Variants in MGAM observed in about 807,000 individuals in gnomAD.
The protein encoded by MGAM is alpha-1,4-glucosidase.
MGAM carries 253 observed loss-of-function variants against 358.8 expected under a neutral mutation model. The ratio of observed to expected loss-of-function variants is 0.71; its 90% CI spans 0.64 to 0.78. MGAM has a LOEUF of 0.78. Among genes scored for constraint, MGAM ranks in the 30% least tolerant of loss-of-function variants. The probability of loss-of-function intolerance (pLI) is 0.00; values close to 1 mark genes in which losing one functional copy is unlikely to be tolerated. For synonymous variants in MGAM, 1,105 were observed against 1,227.1 expected, an observed-to-expected ratio of 0.90 and a Z score of 2.08; for missense variants, 3,080 against 3,432.6, an observed-to-expected ratio of 0.90 and a Z score of 2.57.
intron 21 of MGAM, among the ~76,000 whole-genome samples, chr7:142,044,338 A>C (rs1247672696): frequency 1.4e-5 from 2 of 140,162 alleles, no homozygotes; most frequent in African/African-American, 5.1e-5. Context: ...AATATATAAT[A>C]TATATATAAT....
At position 142,098,615 on chromosome 7, in the gene MGAM, T is replaced by C. The variant is rs530271803; in HGVS notation, c.7749+966T>C. Among the ~76,000 whole-genome samples the C allele has an allele frequency of 1.1e-4, 17 of 152,260 alleles. No individual in the cohort carries two copies. The East Asian group carries it at 3.3e-3, about 29-fold the overall frequency. ...CTCCACAGCCCCAGACTCCTCTTCC[T>C]GCTGCTAGTCTGGATCTGCCCTTAG... is the stretch of plus-strand genomic sequence containing the variant. On this transcript the variant is annotated intron_variant, in intron 66 of 70. Coordinates refer to ENST00000475668, the MANE Select transcript of MGAM (RefSeq NM_001365693.1).
At position 142,036,303 on chromosome 7, in the gene MGAM, T is replaced by C. The variant is rs782069261; in HGVS notation, c.2076+18T>C. 5.1e-6 allele frequency: 8 copies of C among 1,562,120 alleles called. No homozygotes were observed. Among genetic ancestry groups the C allele is most frequent in the Middle Eastern group, 1.7e-4 (1 of 5,966 alleles). On this transcript the variant is annotated intron_variant, in intron 17 of 70. Transcript: ENST00000475668. ...GCTACAAGGTAAGGCTCCTAGGACA[T>C]AGAGTCAGAATAAATTTGGCATACA... is the stretch of plus-strand genomic sequence containing the variant.
intron 21 of MGAM, among the ~76,000 whole-genome samples, chr7:142,041,886 A>G (rs1808623630): frequency 2.0e-5 from 1 of 48,912 alleles, no homozygotes; most frequent in African/African-American, 1.0e-4. Flanking sequence ...ATATATACGT[A>G]TAATATATAA....
In MGAM at chr7:142,032,809, G is replaced by T; in HGVS notation, c.1585-16G>T. ...ATGTTACTTTTTCTTAATAGTTTTT[G>T]CTCTTTGTCTTGTAGGATATGAATG... On this transcript the variant is annotated splice_polypyrimidine_tract_variant and intron_variant, in intron 13 of 70. Coordinates refer to ENST00000475668, the MANE Select transcript of MGAM (RefSeq NM_001365693.1). 1 of 1,558,288 alleles carries T rather than the reference G, an allele frequency of 6.4e-7. No individual in the cohort carries two copies. The highest frequency in any genetic ancestry group is 1.2e-5 in the South Asian group (1 of 86,526).
intron 57 of MGAM, among the ~76,000 whole-genome samples, chr7:142,090,880 G>A (rs68144811): frequency 0.37 from 54,145 of 145,458 alleles, 16,602 homozygotes; most frequent in Middle Eastern, 0.56. Context: ...GCTAAGCATT[G>A]TGCAAAATAT....
In MGAM at chr7:142,095,576, TG is replaced by T. The variant is rs999000839; in HGVS notation, c.7471del (p.Val2491CysfsTer8). Reference sequence around the variant, plus strand: ...TCTTTCTCCTTTAGAGACAAGACCCTGTGTCCTGGGATGTTGCTTTTGTGAA... The same window carrying T: ...TCTTTCTCCTTTAGAGACAAGACCCTTGTCCTGGGATGTTGCTTTTGTGAA... ...NTIGTRRQDP[V>X]SWDVAFVNIS... On this transcript the variant is annotated frameshift_variant, in exon 64 of 71. Coordinates refer to ENST00000475668, the MANE Select transcript of MGAM (RefSeq NM_001365693.1). LOFTEE classifies it high-confidence loss of function. The T allele has an allele frequency of 6.2e-7, 1 of 1,613,436 alleles. No individual in the cohort carries two copies. Among genetic ancestry groups the T allele is most frequent in the African/African-American group, 1.3e-5 (1 of 74,932 alleles).
intron 29 of MGAM, 75 bp from the exon 30 acceptor site, chr7:142,056,755 A>G (rs1057501789): frequency 7.0e-7 from 1 of 1,425,808 alleles, no homozygotes; most frequent in Non-Finnish European, 9.7e-7. Flanking sequence ...AGGAAGATGG[A>G]GAATGTGTGG....
chr7:142,074,192 A>C lies in MGAM; in HGVS notation c.5275+19A>C. The C allele has an allele frequency of 1.4e-6, 2 of 1,470,856 alleles. 1 individual carries two copies. The allele number at this position is 1,470,856 out of a possible 1,614,324, so 91.1% of individuals were successfully genotyped here. A position where few individuals can be genotyped will look rare whatever the true frequency, so the allele number is the denominator to read the frequency against. ...ACAAAGGGTGAGCGCTGTTACAATAATGTTGCTGTTTCCCAACCTGCGCCT... is the reference window on the plus strand; with the variant it reads ...ACAAAGGGTGAGCGCTGTTACAATACTGTTGCTGTTTCCCAACCTGCGCCT... On this transcript the variant is annotated intron_variant, in intron 45 of 70. Coordinates refer to ENST00000475668, the MANE Select transcript of MGAM (RefSeq NM_001365693.1).
intron 14 of MGAM, among the ~76,000 whole-genome samples, chr7:142,033,981 A>C (rs560015085): frequency 2.6e-5 from 4 of 152,360 alleles, no homozygotes; most frequent in Admixed American, 2.0e-4. Context: ...GAGAATTCAG[A>C]TTGAACCTCA....
intron 23 of MGAM, 81 bp from the exon 24 acceptor site, chr7:142,050,616 T>A: frequency 7.1e-7 from 1 of 1,413,728 alleles, no homozygotes; most frequent in Non-Finnish European, 9.8e-7. Context: ...GTATCCGGTC[T>A]GGAATGGAAT....
intron 68 of MGAM, among the ~76,000 whole-genome samples, chr7:142,101,902 C>T (rs1422322656): frequency 1.3e-3 from 161 of 120,866 alleles, no homozygotes; most frequent in African/African-American, 5.0e-3. Flanking sequence ...GAGCGAAACT[C>T]TGTCTCAAAA....
At chr7:142,070,719 A>T (rs114191634) in intron 43 of MGAM, among the ~76,000 whole-genome samples, 13,973 of 146,040 alleles carry the variant, frequency 0.096, 2,051 homozygotes, top group African/African-American at 0.23. Context: ...AGGTTCTGAT[A>T]CAGGTGAGAG....
At chr7:142,083,209 G>A in intron 52 of MGAM, 92 bp from the exon 53 acceptor site, 1 of 987,066 alleles carries the variant, frequency 1.0e-6, no homozygotes, top group African/African-American at 1.5e-5. Flanking sequence ...CTACGATAGG[G>A]AGGGTGCAGG....
At position 142,103,265 on chromosome 7, in the gene MGAM, A is replaced by G. The variant is rs935211051; in HGVS notation, c.8014-4A>G. On this transcript the variant is annotated splice_region_variant and splice_polypyrimidine_tract_variant and intron_variant, in intron 69 of 70. Coordinates refer to ENST00000475668, the MANE Select transcript of MGAM (RefSeq NM_001365693.1). ...ATATTTTTCTTTTATCTCCAATTCA[A>G]CAGAATACGATGCAAAGCCATATAA... 3 of 1,579,942 alleles carry G rather than the reference A, an allele frequency of 1.9e-6. No individual in the cohort carries two copies. The highest frequency in any genetic ancestry group is 2.6e-6 in the Non-Finnish European group (3 of 1,166,454).
intron 4 of MGAM, among the ~76,000 whole-genome samples, chr7:142,019,874 G>C (rs1241532612): frequency 6.6e-6 from 1 of 152,084 alleles, no homozygotes; most frequent in Non-Finnish European, 1.5e-5. Flanking sequence ...TTTGAGACTA[G>C]CTTGGCCAAC....
intron 9 of MGAM, 113 bp from the exon 10 acceptor site, chr7:142,027,496 AT>A: frequency 8.6e-7 from 1 of 1,165,068 alleles, no homozygotes; most frequent in Non-Finnish European, 1.2e-6. Context: ...TCTAACATTA[AT>A]GAATCAGTGC....
In MGAM at chr7:142,040,798, G is replaced by A. The variant is rs1203125893; in HGVS notation, c.2450G>A (p.Gly817Glu). 1.9e-6 allele frequency: 3 copies of A among 1,613,208 alleles called. No individual in the cohort carries two copies. The highest frequency in any genetic ancestry group is 2.2e-5 in the South Asian group (2 of 91,000). ...GACAAAATTGGACTTCACCTTCGAG[G>A]AGGCTACATCTTCCCCACACAGCAG... ...PGDKIGLHLR[G>E]GYIFPTQQPN... Residue 817 changes from glycine to glutamate, a missense_variant, in exon 21 of 71, where the codon GGA (glycine) becomes GAA (glutamate). Physicochemically the swap from Gly to Glu is moderately conservative, Grantham distance 98. Around this residue, in one of 5 missense-constraint regions of MGAM, gnomAD observed 1,816 missense variants for 1,840.5 expected, o/e 0.99. Coordinates refer to ENST00000475668, the MANE Select transcript of MGAM (RefSeq NM_001365693.1).
At chr7:141,996,680 CA>C (rs562457005) in intron 1 of MGAM, among the ~76,000 whole-genome samples, 4 of 152,254 alleles carry the variant, frequency 2.6e-5, no homozygotes, top group Admixed American at 2.6e-4. Flanking sequence ...ACTGAAGAAC[CA>C]ATTATAATCA....
intron 3 of MGAM, among the ~76,000 whole-genome samples, chr7:142,013,696 T>C (rs1554455122): frequency 6.6e-6 from 1 of 152,166 alleles, no homozygotes; most frequent in Non-Finnish European, 1.5e-5. Context: ...TTTTTAAAAC[T>C]AAAAGGCCCA....
Sources: allele counts gnomAD v4.1 joint callset (sites outside exome capture counted in the v4.1 genomes callset), GRCh38; gene constraint gnomAD v4.1.1; regional missense constraint gnomAD v4.1.1; transcripts MANE v1.5; gene names NCBI Gene and HGNC (gene_info 2026-07-23, HGNC 2026-07-21).